Variants in FNBP1L observed in about 807,000 individuals in gnomAD.
The protein encoded by FNBP1L is formin binding protein 1 like.
In FNBP1L, 36 loss-of-function variants were observed where a neutral mutation model predicts 91.2. The ratio of observed to expected loss-of-function variants is 0.39; its 90% confidence interval spans 0.30 to 0.52. FNBP1L has a LOEUF of 0.52. Ranked by LOEUF, FNBP1L falls within the 20% of genes least tolerant of loss-of-function variation. The pLI is 0.66. For synonymous variants in FNBP1L, 242 were observed against 237.0 expected (o/e 1.02, Z -0.19); for missense variants, 571 against 732.1 (o/e 0.78, Z 2.54).
At position 93,540,140 on chromosome 1, in the gene FNBP1L, C is replaced by G. The variant is rs185263575; in HGVS notation, c.1150-902C>G. ...ATGCCAGTTGCAGAATCCTATTGAC[C>G]CACAGAATGTGGGAGATATATCCAA... On this transcript the variant is annotated intron_variant, in intron 10 of 16. Coordinates refer to ENST00000271234, the MANE Select transcript of FNBP1L (RefSeq NM_001164473.3). Among the ~76,000 whole-genome samples the G allele has an allele frequency of 1.8e-3, 270 of 152,002 alleles. 1 individual carries two copies. The highest frequency in any genetic ancestry group is 3.2e-3 in the Non-Finnish European group (216 of 67,970).
intron 1 of FNBP1L, among the ~76,000 whole-genome samples, chr1:93,495,193 G>C (rs1670222272): frequency 6.6e-6 from 1 of 152,176 alleles, no homozygotes; most frequent in Admixed American, 6.5e-5. Flanking sequence ...TTTTAGGAGA[G>C]ATTTCACATG....
At chr1:93,453,490 A>G (rs1668562486) in intron 1 of FNBP1L, among the ~76,000 whole-genome samples, 1 of 152,220 alleles carries the variant, frequency 6.6e-6, no homozygotes, top group Non-Finnish European at 1.5e-5. Context: ...CTTTAAAAAA[A>G]CCTATTCTAC....
intron 2 of FNBP1L, among the ~76,000 whole-genome samples, chr1:93,521,287 A>G (rs1017396336): frequency 1.3e-5 from 2 of 152,210 alleles, no homozygotes; most frequent in Admixed American, 6.5e-5. Flanking sequence ...AAGGAGTCAC[A>G]TAATGATTTG....
rs556952729 is a variant in FNBP1L, at chr1:93,460,626, C to T, written c.24+12321C>T. 5.9e-5 allele frequency among the ~76,000 whole-genome samples: 9 copies of T among 152,230 alleles called. No individual in the cohort carries two copies. The South Asian group carries it at 1.7e-3, about 28-fold the overall frequency. On this transcript the variant is annotated intron_variant, in intron 1 of 16. Transcript: ENST00000271234. ...AAAAAAAAGGAAATCCGGTCATTTA[C>T]GATAACATGGATGAACCTGGAGGAT...
At chr1:93,454,802 A>G (rs1192414154) in intron 1 of FNBP1L, among the ~76,000 whole-genome samples, 1 of 152,230 alleles carries the variant, frequency 6.6e-6, no homozygotes, top group Non-Finnish European at 1.5e-5. Flanking sequence ...CTATTTACAC[A>G]TATCATTTAC....
At chr1:93,504,380 G>C (rs1670536868) in intron 2 of FNBP1L, among the ~76,000 whole-genome samples, 1 of 152,126 alleles carries the variant, frequency 6.6e-6, no homozygotes, top group South Asian at 2.1e-4. Flanking sequence ...AATATAGCTA[G>C]TCTGTAAGAA....
intron 2 of FNBP1L, among the ~76,000 whole-genome samples, chr1:93,514,682 TAATA>T (rs1467398135): frequency 1.2e-4 from 18 of 152,066 alleles, no homozygotes; most frequent in Non-Finnish European, 2.5e-4. Flanking sequence ...ATTCCCTATT[TAATA>T]AATGGTGCTG....
At chr1:93,448,527 G>T (rs930676555) in intron 1 of FNBP1L, among the ~76,000 whole-genome samples, 1 of 152,206 alleles carries the variant, frequency 6.6e-6, no homozygotes, top group Non-Finnish European at 1.5e-5. Context: ...TGCCGCCGTG[G>T]TGCAGCTCGG....
At chr1:93,546,626 C>G (rs998003026) in intron 12 of FNBP1L, among the ~76,000 whole-genome samples, 1 of 152,006 alleles carries the variant, frequency 6.6e-6, no homozygotes, top group African/African-American at 2.4e-5. Context: ...GAACTCTGTT[C>G]TCTTTTGGTA....
At chr1:93,462,833 T>G (rs2101689572) in intron 1 of FNBP1L, among the ~76,000 whole-genome samples, 1 of 152,254 alleles carries the variant, frequency 6.6e-6, no homozygotes, top group South Asian at 2.1e-4. Flanking sequence ...TTCCTCCTTT[T>G]TCTATACTGT....
chr1:93,522,022 A>G, intron 2 of FNBP1L, 60 bp from the exon 3 acceptor site: 1 of 1,073,724 alleles, frequency 9.3e-7, no homozygotes, highest in South Asian at 1.7e-5. Flanking sequence ...AACTTAGACT[A>G]TTTCAATTGT....
intron 1 of FNBP1L, among the ~76,000 whole-genome samples, chr1:93,490,297 A>G (rs920625535): frequency 3.3e-5 from 5 of 152,236 alleles, no homozygotes; most frequent in African/African-American, 7.2e-5. Flanking sequence ...GTTATACTAC[A>G]TAATGTGGAC....
chr1:93,534,631 T>C (rs1177428247), intron 8 of FNBP1L, 74 bp from the exon 9 acceptor site: 6 of 973,474 alleles, frequency 6.2e-6, no homozygotes, highest in African/African-American at 3.3e-5. Context: ...TTTTTTGTAC[T>C]GAAAAAGTTA....
At chr1:93,551,864 A>G (rs1315852389) in intron 16 of FNBP1L, 1 of 985,228 alleles carries the variant, frequency 1.0e-6, no homozygotes, top group Non-Finnish European at 1.2e-6. Flanking sequence ...TGTATGTTTC[A>G]TCTTGAAAAT....
chr1:93,536,257 C>T, intron 9 of FNBP1L, 75 bp from the exon 10 acceptor site: 1 of 1,141,484 alleles, frequency 8.8e-7, no homozygotes, highest in Non-Finnish European at 1.1e-6. Flanking sequence ...AGTATGTTGC[C>T]AAAAATAGAA....
At chr1:93,503,944 A>G (rs780910068) in intron 2 of FNBP1L, among the ~76,000 whole-genome samples, 1 of 152,310 alleles carries the variant, frequency 6.6e-6, no homozygotes, top group South Asian at 2.1e-4. Flanking sequence ...ACCCCAGAGC[A>G]TACATAAATT....
In FNBP1L at chr1:93,465,833, G is replaced by A. The variant is rs560842783; in HGVS notation, c.24+17528G>A. Among the ~76,000 whole-genome samples, 3 of 152,278 alleles carry A rather than the reference G, an allele frequency of 2.0e-5. No individual in the cohort carries two copies. In the South Asian group the frequency reaches 6.2e-4, roughly 32 times the overall value. On this transcript the variant is annotated intron_variant, in intron 1 of 16. Transcript: ENST00000271234. The stretch of plus-strand genomic sequence containing the variant: ...ACAGTCCCACCAACAGTGTAAAAGT[G>A]TTCCTATTTCTCCACATCCTCTCCA...
chr1:93,457,471 G>A (rs1274671005), intron 1 of FNBP1L, among the ~76,000 whole-genome samples: 2 of 152,040 alleles, frequency 1.3e-5, no homozygotes, highest in African/African-American at 4.8e-5. Context: ...CAGTTCCCTT[G>A]TGTGGTTGTT....
chr1:93,453,790 C>A (rs563938970), intron 1 of FNBP1L, among the ~76,000 whole-genome samples: 3 of 152,158 alleles, frequency 2.0e-5, no homozygotes, highest in Non-Finnish European at 4.4e-5. Flanking sequence ...ACCTGAAACA[C>A]GTAAACAGGA....
Sources: allele counts gnomAD v4.1 joint callset (sites outside exome capture counted in the v4.1 genomes callset), GRCh38; gene constraint gnomAD v4.1.1; transcripts MANE v1.5; gene names NCBI Gene and HGNC (gene_info 2026-07-23, HGNC 2026-07-21).